The following DOCK6 variants were observed in gnomAD, a reference collection of about 807,000 sequenced individuals.
DOCK6 encodes the protein dedicator of cytokinesis protein 6.
Under a neutral mutation model 230.3 loss-of-function variants are expected in DOCK6, and 167 were observed. The observed-to-expected ratio is 0.73, with a 90% CI of 0.64 to 0.82. The LOEUF (loss-of-function observed/expected upper bound fraction) is 0.82, where lower values mean the gene tolerates loss of function less well. Among genes scored for constraint, DOCK6 ranks in the 40% least tolerant of loss-of-function variants. The probability of loss-of-function intolerance (pLI) is 0.00; values close to 1 mark genes in which losing one functional copy is unlikely to be tolerated. For missense variants in DOCK6, 2,598 were observed against 2,825.8 expected, an observed-to-expected ratio of 0.92 and a Z score of 1.83; for synonymous variants, 1,148 against 1,185.0, an observed-to-expected ratio of 0.97 and a Z score of 0.64.
rs2079681268 is a variant in DOCK6 at position 11,227,323 on chromosome 19, C to G, written c.2955+14G>C. The G allele has an allele frequency of 1.9e-6, 3 of 1,612,556 alleles. No individual in the cohort carries two copies. Among genetic ancestry groups the G allele is most frequent in the Admixed American group, 1.7e-5 (1 of 59,978 alleles). Reference sequence around the variant, plus strand: ...CTCAGGTTTCTTCCCACATTGAGACCCTGCATCTCTCACCTTGTGGACACG... The same window carrying G: ...CTCAGGTTTCTTCCCACATTGAGACGCTGCATCTCTCACCTTGTGGACACG... On this transcript the variant is annotated intron_variant, in intron 24 of 47. Transcript: ENST00000294618.
chr19:11,241,705 T>C, intron 14 of DOCK6: 4 of 1,579,114 alleles, frequency 2.5e-6, no homozygotes, highest in Middle Eastern at 1.7e-4. Context: ...TGGATGGAAC[T>C]GAGGACCAAT....
chr19:11,237,036 G>A, intron 18 of DOCK6, 157 bp from the exon 19 acceptor site: 3 of 698,842 alleles, frequency 4.3e-6, no homozygotes, highest in Non-Finnish European at 7.0e-6. Flanking sequence ...AGTAGACTGA[G>A]AGGGTCCACT....
At chr19:11,242,798 A>G (rs1296693493) in intron 13 of DOCK6, among the ~76,000 whole-genome samples, 1 of 151,892 alleles carries the variant, frequency 6.6e-6, no homozygotes, top group Admixed American at 6.6e-5. Flanking sequence ...CCTTACCCCT[A>G]CATTTGATCA....
At chr19:11,212,239 T>A in intron 35 of DOCK6, 88 bp from the exon 36 acceptor site, 1 of 1,444,194 alleles carries the variant, frequency 6.9e-7, no homozygotes, top group Non-Finnish European at 9.2e-7. Flanking sequence ...GACATGGCCC[T>A]TGCGTTCTTT....
At chr19:11,252,088 C>G in intron 5 of DOCK6, 31 bp downstream of exon 5, 1 of 1,577,524 alleles carries the variant, frequency 6.3e-7, no homozygotes, top group Non-Finnish European at 8.6e-7. Flanking sequence ...ACACATACCC[C>G]TTCAGTGACC....
At chr19:11,230,524 T>A (rs10405579) in intron 22 of DOCK6, among the ~76,000 whole-genome samples, 6,028 of 152,022 alleles carry the variant, frequency 0.04, 402 homozygotes, top group African/African-American at 0.14. Context: ...GAAATCAGTG[T>A]AGACAGCAAG....
chr19:11,252,378 C>G lies in DOCK6; in HGVS notation c.377+104G>C, dbSNP rs1259501933. 4.4e-6 allele frequency: 7 copies of G among 1,585,042 alleles called. No individual in the cohort carries two copies. In the South Asian group the frequency reaches 7.8e-5, roughly 18 times the overall value. On this transcript the variant is annotated intron_variant, in intron 4 of 47. Transcript: ENST00000294618. ...GTGCTCCACCAGACAAGTTTGCCTGCTCTTGCAGGGACAATGGGCAGATAC... is the reference window on the plus strand; with the variant it reads ...GTGCTCCACCAGACAAGTTTGCCTGGTCTTGCAGGGACAATGGGCAGATAC...
intron 37 of DOCK6, among the ~76,000 whole-genome samples, chr19:11,210,960 C>T (rs1350318785): frequency 6.6e-6 from 1 of 151,742 alleles, no homozygotes; most frequent in African/African-American, 2.4e-5. Flanking sequence ...CACCCCCTCA[C>T]TTGTGTCCTC....
chr19:11,233,926 C>G (rs971373184), intron 21 of DOCK6, among the ~76,000 whole-genome samples: 3 of 152,024 alleles, frequency 2.0e-5, no homozygotes, highest in African/African-American at 7.2e-5. Context: ...CCTCTGCCTC[C>G]CGGGTTTAAG....
At chr19:11,237,345 G>A in intron 18 of DOCK6, 111 bp downstream of exon 18, 3 of 1,181,276 alleles carry the variant, frequency 2.5e-6, no homozygotes, top group Non-Finnish European at 3.7e-6. Flanking sequence ...GGGCCCTGGA[G>A]GCACCAGTAG....
Position 11,243,899 on chromosome 19 carries a change from T to A in DOCK6, c.1024-17A>T. 6.3e-7 allele frequency: 1 copy of A among 1,597,398 alleles called. No homozygotes were observed. The highest frequency in any genetic ancestry group is 1.1e-5 in the South Asian group (1 of 88,146). On this transcript the variant is annotated splice_polypyrimidine_tract_variant and intron_variant, in intron 9 of 47. Coordinates refer to ENST00000294618, the MANE Select transcript of DOCK6 (RefSeq NM_020812.4). This position sits in a 1 kb window ranked among gnomAD's most constrained non-coding sequence, Gnocchi z 6.3. ...CTTCTCCAACTGCGGGGCAGATGAA[T>A]GAATCCAGTGAGGCGCTGCCCGAAC...
chr19:11,226,604 G>C (rs1391080372), intron 24 of DOCK6, among the ~76,000 whole-genome samples: 2 of 152,092 alleles, frequency 1.3e-5, no homozygotes, highest in East Asian at 3.9e-4. Flanking sequence ...GTTGTGGTGA[G>C]CCAAGATTGC....
chr19:11,207,788 G>A (rs1052523213), intron 39 of DOCK6, among the ~76,000 whole-genome samples: 4 of 151,538 alleles, frequency 2.6e-5, no homozygotes, highest in Non-Finnish European at 5.9e-5. Flanking sequence ...AAATTAGCCG[G>A]ACATAGTGAT....
intron 14 of DOCK6, chr19:11,240,211 T>C: frequency 6.4e-7 from 1 of 1,563,374 alleles, no homozygotes; most frequent in Non-Finnish European, 8.7e-7. Context: ...GCACAGAAGG[T>C]GCTACGGGAC....
intron 36 of DOCK6, 39 bp downstream of exon 36, chr19:11,211,954 T>A: frequency 6.3e-7 from 1 of 1,587,374 alleles, no homozygotes; most frequent in Non-Finnish European, 8.6e-7. Context: ...TTGGGAGTTA[T>A]ATGAAGGGGA....
intron 28 of DOCK6, among the ~76,000 whole-genome samples, chr19:11,219,174 G>GTTTTT (rs778505119): frequency 3.9e-5 from 3 of 77,274 alleles, no homozygotes; most frequent in Admixed American, 1.4e-4. Flanking sequence ...ACTGCGCCCG[G>GTTTTT]TTTTTTTTTT....
rs1217054676 is a variant in DOCK6, at chr19:11,202,780, T to G, written c.5236-71A>C. The stretch of plus-strand genomic sequence containing the variant: ...GAGGTCTCCCTGCCCCAGAGATAGG[T>G]GTCTCGAATATCAGGATGGGAGTGT... On this transcript the variant is annotated intron_variant, in intron 41 of 47. Transcript: ENST00000294618. This position sits in a 1 kb window ranked among gnomAD's most constrained non-coding sequence, Gnocchi z 5.3. 1 of 1,602,630 alleles carries G rather than the reference T, an allele frequency of 6.2e-7. No homozygotes were observed. The highest frequency in any genetic ancestry group is 8.5e-7 in the Non-Finnish European group (1 of 1,179,128).
intron 37 of DOCK6, among the ~76,000 whole-genome samples, chr19:11,210,360 C>T (rs1349253205): frequency 6.6e-6 from 1 of 150,750 alleles, no homozygotes; most frequent in African/African-American, 2.4e-5. Context: ...CTGTCCACCT[C>T]CTCACTTGTT....
At chr19:11,261,063 G>A (rs1286417307) in intron 1 of DOCK6, among the ~76,000 whole-genome samples, 1 of 151,854 alleles carries the variant, frequency 6.6e-6, no homozygotes, top group East Asian at 1.9e-4. Flanking sequence ...CAGCCACCAA[G>A]TCTCATCCCT....
Sources: gnomAD v4.1 joint callset for allele counts (sites outside exome capture counted in the v4.1 genomes callset) on GRCh38, gnomAD v4.1.1 for gene constraint, Gnocchi (gnomAD v3.1) non-coding constraint, MANE v1.5 for transcripts, NCBI Gene and HGNC (gene_info 2026-07-23, HGNC 2026-07-21) for gene names.